The following RAD51B variants were observed in gnomAD, a reference collection of about 807,000 sequenced individuals.
RAD51B encodes RAD51 paralog B, also known as DNA repair protein RAD51 homolog 2.
In RAD51B, 38 loss-of-function variants were observed where a neutral mutation model predicts 42.2. That is an observed-to-expected ratio of 0.90 (90% CI 0.70 to 1.18). The LOEUF (loss-of-function observed/expected upper bound fraction) is 1.18, where lower values mean the gene tolerates loss of function less well. Ranked by LOEUF, RAD51B falls within the 50% of genes most tolerant of loss-of-function variation. The pLI, the probability that RAD51B is intolerant of heterozygous loss-of-function variation, is 0.00. For synonymous variants in RAD51B, 154 were observed against 145.2 expected (o/e 1.06, Z -0.43); for missense variants, 373 against 400.7 (o/e 0.93, Z 0.59).
chr14:68,415,648 T>C (rs1389329109), intron 9 of RAD51B, among the ~76,000 whole-genome samples: 1 of 152,184 alleles, frequency 6.6e-6, no homozygotes, highest in Non-Finnish European at 1.5e-5. Flanking sequence ...AGGCAGAGCA[T>C]GAGGCAGAGA....
At chr14:68,189,964 C>T (rs1595530028) in intron 7 of RAD51B, among the ~76,000 whole-genome samples, 1 of 152,104 alleles carries the variant, frequency 6.6e-6, no homozygotes, top group Non-Finnish European at 1.5e-5. Context: ...CTGCACCTGG[C>T]CTCCCTTAAA....
intron 10 of RAD51B, among the ~76,000 whole-genome samples, chr14:68,529,011 T>A (rs758199689): frequency 6.6e-6 from 1 of 152,126 alleles, no homozygotes; most frequent in Non-Finnish European, 1.5e-5. Flanking sequence ...CAAATACAGG[T>A]TTTCTTTCTC....
intron 7 of RAD51B, among the ~76,000 whole-genome samples, chr14:67,903,800 T>C (rs1192256451): frequency 6.6e-6 from 1 of 152,190 alleles, no homozygotes; most frequent in Non-Finnish European, 1.5e-5. Context: ...AGGTTTGTTA[T>C]GTGGGTAAAT....
intron 10 of RAD51B, among the ~76,000 whole-genome samples, chr14:68,489,188 C>T (rs964778238): frequency 5.9e-5 from 9 of 151,884 alleles, no homozygotes; most frequent in African/African-American, 1.9e-4. Flanking sequence ...ATTGTATAAG[C>T]CAAATGAATG....
intron 5 of RAD51B, 49 bp from the exon 6 acceptor site, chr14:67,885,819 CT>C (rs2043042997): frequency 6.5e-7 from 1 of 1,546,646 alleles, no homozygotes; most frequent in South Asian, 1.2e-5. Flanking sequence ...AGCAATGTGG[CT>C]TTAAGTAGAA....
At chr14:68,574,183 G>C (rs989123311) in intron 10 of RAD51B, among the ~76,000 whole-genome samples, 2 of 152,020 alleles carry the variant, frequency 1.3e-5, no homozygotes, top group Non-Finnish European at 2.9e-5. Context: ...ACCTTGGCTC[G>C]CTGCAGCTTC....
intron 7 of RAD51B, among the ~76,000 whole-genome samples, chr14:68,260,075 G>A (rs2080846084): frequency 6.6e-6 from 1 of 152,060 alleles, no homozygotes; most frequent in African/African-American, 2.4e-5. Flanking sequence ...TGATAATGGG[G>A]GGGTGTGGAG....
At chr14:68,459,611 A>G (rs1260659099) in intron 9 of RAD51B, among the ~76,000 whole-genome samples, 3 of 152,184 alleles carry the variant, frequency 2.0e-5, no homozygotes, top group Admixed American at 6.5e-5. Context: ...TTTATCAACG[A>G]CCACGTAATC....
chr14:68,238,382 C>G (rs1245036353), intron 7 of RAD51B, among the ~76,000 whole-genome samples: 1 of 152,056 alleles, frequency 6.6e-6, no homozygotes, highest in Non-Finnish European at 1.5e-5. Context: ...CTCACTGCAG[C>G]CTTGAACTTC....
intron 7 of RAD51B, among the ~76,000 whole-genome samples, chr14:68,030,461 T>C (rs1312040903): frequency 6.6e-6 from 1 of 152,228 alleles, no homozygotes; most frequent in Non-Finnish European, 1.5e-5. Flanking sequence ...GAACGGCTTC[T>C]TTCCTTAAAC....
chr14:68,390,109 T>C (rs1021094865), intron 8 of RAD51B, among the ~76,000 whole-genome samples: 7 of 152,218 alleles, frequency 4.6e-5, no homozygotes, highest in East Asian at 1.9e-4. Context: ...AAATAATACT[T>C]ACATAACATT....
At chr14:68,655,783 G>A (rs1892803803) in intron 11 of RAD51B, among the ~76,000 whole-genome samples, 1 of 152,222 alleles carries the variant, frequency 6.6e-6, no homozygotes, top group Admixed American at 6.5e-5. Flanking sequence ...CTAAGAGGTG[G>A]GACGTGAGGA....
chr14:68,617,720 G>A (rs116066742), intron 10 of RAD51B, among the ~76,000 whole-genome samples: 508 of 152,280 alleles, frequency 3.3e-3, no homozygotes, highest in African/African-American at 0.012. Context: ...TTTACCACAT[G>A]TATTTTCTTT....
intron 10 of RAD51B, chr14:68,562,275 A>T (rs144174658): frequency 1.0e-6 from 1 of 985,298 alleles, no homozygotes; most frequent in East Asian, 1.1e-4. Context: ...AGATCTTTGC[A>T]ACGGAAAATG....
chr14:68,573,258 G>A (rs367990499), intron 10 of RAD51B, among the ~76,000 whole-genome samples: 212 of 152,096 alleles, frequency 1.4e-3, no homozygotes, highest in Non-Finnish European at 2.5e-3. Flanking sequence ...CCACGTGGTC[G>A]AGCCCTGCTC....
At chr14:67,969,717 T>C (rs951975669) in intron 7 of RAD51B, among the ~76,000 whole-genome samples, 2 of 152,196 alleles carry the variant, frequency 1.3e-5, no homozygotes, top group African/African-American at 4.8e-5. Flanking sequence ...TAACTAAATA[T>C]TTAAATAGAT....
At chr14:68,068,617 C>T (rs78648970) in intron 7 of RAD51B, among the ~76,000 whole-genome samples, 9,193 of 152,158 alleles carry the variant, frequency 0.06, 655 homozygotes, top group African/African-American at 0.17. Flanking sequence ...TTTCAATTCT[C>T]TTGGGTGTAT....
chr14:67,970,592 A>T (rs543739162), intron 7 of RAD51B, among the ~76,000 whole-genome samples: 7 of 152,028 alleles, frequency 4.6e-5, no homozygotes, highest in Admixed American at 6.6e-5. Context: ...ATAGAAAGTC[A>T]TATGTAAAAT....
At chr14:67,834,525 C>T (rs1566914150) in intron 3 of RAD51B, among the ~76,000 whole-genome samples, 1 of 152,056 alleles carries the variant, frequency 6.6e-6, no homozygotes, top group African/African-American at 2.4e-5. Flanking sequence ...TGGTTAGGCC[C>T]CTGCTTACTT....
Sources: gnomAD v4.1 joint callset for allele counts (sites outside exome capture counted in the v4.1 genomes callset) on GRCh38, gnomAD v4.1.1 for gene constraint, MANE v1.5 for transcripts, NCBI Gene and HGNC (gene_info 2026-07-23, HGNC 2026-07-21) for gene names.